LMBRD1: variants seen among roughly 807,000 people sequenced by gnomAD.
LMBRD1 encodes lysosomal cobalamin transport escort protein LMBD1.
A neutral mutation model predicts 74.8 loss-of-function variants in LMBRD1; 64 were observed. The ratio of observed to expected loss-of-function variants is 0.86; its 90% confidence interval spans 0.70 to 1.05. LMBRD1 has a LOEUF of 1.05. LMBRD1 is among the 50% of genes least tolerant of loss of function. LMBRD1 has a pLI of 0.00. For synonymous variants in LMBRD1, 204 were observed against 216.3 expected, an observed-to-expected ratio of 0.94 and a Z score of 0.50; for missense variants, 652 against 645.9, an observed-to-expected ratio of 1.01 and a Z score of -0.10.
At chr6:69,739,146 T>C (rs1767039406) in intron 6 of LMBRD1, among the ~76,000 whole-genome samples, 2 of 152,168 alleles carry the variant, frequency 1.3e-5, no homozygotes, top group Admixed American at 6.5e-5. Flanking sequence ...TTTAAGGTAC[T>C]ATCACTTGTA....
At chr6:69,729,269 T>C (rs1355355749) in intron 7 of LMBRD1, among the ~76,000 whole-genome samples, 1 of 149,736 alleles carries the variant, frequency 6.7e-6, no homozygotes, top group Non-Finnish European at 1.5e-5. Flanking sequence ...CAGGTCTCGG[T>C]TTAATTACAA....
At chr6:69,751,596 G>C (rs1014045977) in intron 4 of LMBRD1, among the ~76,000 whole-genome samples, 2 of 152,184 alleles carry the variant, frequency 1.3e-5, no homozygotes, top group Admixed American at 6.5e-5. Context: ...CCAAAGTGCT[G>C]GGATTACAGG....
chr6:69,790,750 G>A (rs1428129631), intron 1 of LMBRD1: 3 of 418,528 alleles, frequency 7.2e-6, no homozygotes, highest in African/African-American at 6.1e-5. Flanking sequence ...AACGTTAATG[G>A]TTTCACACAT....
chr6:69,714,055 T>G (rs879743791), intron 8 of LMBRD1, among the ~76,000 whole-genome samples: 2 of 152,074 alleles, frequency 1.3e-5, no homozygotes, highest in African/African-American at 2.4e-5. Flanking sequence ...TGGAGAGAGA[T>G]AACCATTTGT....
In LMBRD1 at chr6:69,757,753, T is replaced by C. The variant is rs1470724380; in HGVS notation, c.308-5397A>G. On this transcript the variant is annotated intron_variant, in intron 3 of 15. Transcript: ENST00000649934. ...CACAGCCATTTTCAAAGGCAAATTA[T>C]TCTTGACTCTAAAGTTATGACACTC... Among the ~76,000 whole-genome samples, 3 of 152,210 alleles carry C rather than the reference T, an allele frequency of 2.0e-5. No individual in the cohort carries two copies. The East Asian group carries it at 5.8e-4, about 29-fold the overall frequency.
intron 3 of LMBRD1, among the ~76,000 whole-genome samples, chr6:69,754,495 G>A (rs1367409834): frequency 4.6e-5 from 7 of 152,098 alleles, no homozygotes; most frequent in Admixed American, 3.3e-4. Context: ...CAACAGAGGC[G>A]CAGAGTTAAT....
At chr6:69,719,856 T>C (rs1766575459) in intron 7 of LMBRD1, among the ~76,000 whole-genome samples, 1 of 152,194 alleles carries the variant, frequency 6.6e-6, no homozygotes. Context: ...TTCACTTTCC[T>C]TCTGGCACAC....
At chr6:69,737,111 TA>T (rs1766993229) in intron 7 of LMBRD1, among the ~76,000 whole-genome samples, 1 of 152,194 alleles carries the variant, frequency 6.6e-6, no homozygotes, top group South Asian at 2.1e-4. Context: ...CCATTTCCTT[TA>T]TGTCTAAAGG....
intron 7 of LMBRD1, among the ~76,000 whole-genome samples, chr6:69,735,713 G>C (rs775552887): frequency 6.6e-6 from 1 of 151,874 alleles, no homozygotes; most frequent in Non-Finnish European, 1.5e-5. Context: ...TATTTAATTC[G>C]GAGCCACCAG....
chr6:69,710,290 T>C (rs920846933), intron 9 of LMBRD1, among the ~76,000 whole-genome samples: 1 of 151,898 alleles, frequency 6.6e-6, no homozygotes, highest in Non-Finnish European at 1.5e-5. Flanking sequence ...GCTGGAACAA[T>C]TGGATATCCA....
chr6:69,719,288 C>T (rs914086721), intron 7 of LMBRD1, among the ~76,000 whole-genome samples: 5 of 152,036 alleles, frequency 3.3e-5, no homozygotes, highest in African/African-American at 4.8e-5. Context: ...ATTTATAATA[C>T]TATTCCTCAA....
intron 14 of LMBRD1, among the ~76,000 whole-genome samples, chr6:69,678,331 A>G (rs1287882520): frequency 6.6e-6 from 1 of 151,974 alleles, no homozygotes; most frequent in East Asian, 1.9e-4. Context: ...AAGGGGAAGG[A>G]TGGGGAAGAG....
chr6:69,760,440 A>G (rs1410787353), intron 3 of LMBRD1, among the ~76,000 whole-genome samples: 1 of 152,222 alleles, frequency 6.6e-6, no homozygotes, highest in Non-Finnish European at 1.5e-5. Context: ...TCTAAGGGAG[A>G]AATAGAAGAA....
intron 14 of LMBRD1, among the ~76,000 whole-genome samples, chr6:69,689,333 A>G (rs764056248): frequency 6.6e-6 from 1 of 152,130 alleles, no homozygotes; most frequent in East Asian, 1.9e-4. Flanking sequence ...TCAACTCTCC[A>G]AACAACATTA....
intron 3 of LMBRD1, among the ~76,000 whole-genome samples, chr6:69,777,426 C>T (rs1266174007): frequency 7.2e-6 from 1 of 137,946 alleles, no homozygotes; most frequent in Non-Finnish European, 1.5e-5. Context: ...GCCTGCGCAA[C>T]AGAGCAAGAC....
chr6:69,780,367 A>C, intron 3 of LMBRD1, 127 bp downstream of exon 3: 1 of 726,396 alleles, frequency 1.4e-6, no homozygotes, highest in South Asian at 1.4e-5. Flanking sequence ...AAACTACTCC[A>C]TGTGTGTCCA....
intron 9 of LMBRD1, among the ~76,000 whole-genome samples, chr6:69,707,837 C>T (rs565492575): frequency 1.1e-4 from 16 of 151,860 alleles, no homozygotes; most frequent in African/African-American, 3.4e-4. Context: ...GGAGAATTAC[C>T]GTTTAATAAA....
In LMBRD1 at chr6:69,796,928, G is replaced by A; in HGVS notation, c.-47C>T. On this transcript the variant is annotated 5_prime_UTR_variant, in exon 1 of 16. Transcript: ENST00000649934. ...ACCTGAGCGCCCGGGGTGGGGAAAG[G>A]GGAGGGGGAAAGGGGAGAGAGCGCG... 6.4e-7 allele frequency: 1 copy of A among 1,562,308 alleles called. No homozygotes were observed. Among genetic ancestry groups the A allele is most frequent in the Non-Finnish European group, 8.8e-7 (1 of 1,137,228 alleles).
At chr6:69,765,112 G>A (rs11965589) in intron 3 of LMBRD1, among the ~76,000 whole-genome samples, 14,791 of 151,704 alleles carry the variant, frequency 0.097, 1,920 homozygotes, top group African/African-American at 0.3. Context: ...TGTATTTTTA[G>A]TAGAGACAGG....
Sources: gnomAD v4.1 joint callset for allele counts (sites outside exome capture counted in the v4.1 genomes callset) on GRCh38, gnomAD v4.1.1 for gene constraint, MANE v1.5 for transcripts, NCBI Gene and HGNC (gene_info 2026-07-23, HGNC 2026-07-21) for gene names.